The following CFAP61 variants were observed in gnomAD, a reference collection of about 807,000 sequenced individuals.
The protein encoded by CFAP61 is cilia- and flagella-associated protein 61.
In CFAP61, 107 loss-of-function variants were observed where a neutral mutation model predicts 135.6. The observed-to-expected ratio is 0.79, with a 90% confidence interval of 0.67 to 0.93. The LOEUF is 0.93. Among genes scored for constraint, CFAP61 ranks in the 40% least tolerant of loss-of-function variants. CFAP61 has a pLI of 0.00. For synonymous variants in CFAP61, 575 were observed against 578.5 expected (o/e 0.99, Z 0.09); for missense variants, 1,507 against 1,556.2 (o/e 0.97, Z 0.53).
intron 24 of CFAP61, among the ~76,000 whole-genome samples, chr20:20,296,077 CTTTT>C (rs1569259030): frequency 2.0e-4 from 5 of 24,906 alleles, no homozygotes; most frequent in Non-Finnish European, 3.7e-4. Context: ...TCCTTCCCTC[CTTTT>C]CTTCCTTCTT....
chr20:20,214,242 A>AT (rs1342279508), intron 17 of CFAP61: 1 of 152,212 alleles, frequency 6.6e-6, no homozygotes, highest in African/African-American at 2.4e-5. Flanking sequence ...GTGTTGTTCC[A>AT]TAACAGTACC....
chr20:20,088,034 A>G (rs2046930030), intron 6 of CFAP61, among the ~76,000 whole-genome samples: 1 of 152,194 alleles, frequency 6.6e-6, no homozygotes, highest in Admixed American at 6.5e-5. Flanking sequence ...TGCAGGGCTG[A>G]AATAGCTTGA....
chr20:20,290,531 A>G, intron 24 of CFAP61, 140 bp downstream of exon 24: 1 of 650,694 alleles, frequency 1.5e-6, no homozygotes, highest in Non-Finnish European at 2.7e-6. Context: ...GTCCCCCAAG[A>G]TGGCCCTTAG....
Position 20,169,431 on chromosome 20 carries a change from C to T in CFAP61, c.1356C>T (p.Leu452=), listed in dbSNP as rs1006356151. The change falls in exon 13 of 27, where the codon CTC becomes CTT. Residue 452 remains leucine, a synonymous_variant. Transcript: ENST00000245957. ...ACACCTGCACCCTCGAGCAGGACCT[C>T]TACGTCTTCCACCGGGCTGGATTGC... The part of the protein sequence containing the change: ...PFNTCTLEQD[L]YVFHRAGLLK... The T allele has an allele frequency of 6.2e-7, 1 of 1,613,774 alleles. No homozygotes were observed. The highest frequency in any genetic ancestry group is 8.5e-7 in the Non-Finnish European group (1 of 1,179,844).
At chr20:20,189,274 G>C (rs567186998) in intron 14 of CFAP61, among the ~76,000 whole-genome samples, 1 of 152,004 alleles carries the variant, frequency 6.6e-6, no homozygotes, top group South Asian at 2.1e-4. Flanking sequence ...GGTTTGTCTT[G>C]CACTCTTTTA....
chr20:20,136,761 TGGC>T (rs1235251099), intron 8 of CFAP61, among the ~76,000 whole-genome samples: 1 of 152,240 alleles, frequency 6.6e-6, no homozygotes, highest in Non-Finnish European at 1.5e-5. Flanking sequence ...TTAGTTAGTC[TGGC>T]GAAGTCATGT....
intron 25 of CFAP61, among the ~76,000 whole-genome samples, chr20:20,336,233 A>G (rs2026057): frequency 0.91 from 137,865 of 152,216 alleles, 64,010 homozygotes; most frequent in East Asian, 1. Flanking sequence ...ATTTGTTCCA[A>G]CAGGAATTAG....
intron 25 of CFAP61, among the ~76,000 whole-genome samples, chr20:20,309,927 A>G (rs112807362): frequency 4.6e-5 from 7 of 152,200 alleles, no homozygotes; most frequent in Non-Finnish European, 1.0e-4. Flanking sequence ...TGCATTCTAC[A>G]TGGCCTCAAC....
chr20:20,235,601 T>C (rs767562635), intron 18 of CFAP61, among the ~76,000 whole-genome samples: 2 of 152,194 alleles, frequency 1.3e-5, no homozygotes, highest in Non-Finnish European at 2.9e-5. Flanking sequence ...CTGTGCACCC[T>C]TTCCCACTTC....
At chr20:20,288,155 T>TGGGC (rs1194488797) in intron 22 of CFAP61, among the ~76,000 whole-genome samples, 1 of 152,052 alleles carries the variant, frequency 6.6e-6, no homozygotes, top group Non-Finnish European at 1.5e-5. Flanking sequence ...AAGCTAGCAA[T>TGGGC]GGGCAGTCTG....
chr20:20,199,887 G>T lies in CFAP61; in HGVS notation c.1917G>T (p.Ala639=), dbSNP rs371964125. The change falls in exon 17 of 27, where the codon GCG becomes GCT. Residue 639 remains alanine (A), a synonymous_variant. Coordinates refer to ENST00000245957, the MANE Select transcript of CFAP61 (RefSeq NM_015585.4). ...EKLGINAPSK[A]VSKDPMSYAL... ...TTGGCATAAACGCTCCATCAAAGGC[G>T]GTCTCCAAGGATCCGGTGGGTAGCA... is the stretch of plus-strand genomic sequence containing the variant. The T allele has an allele frequency of 3.7e-6, 6 of 1,614,020 alleles. No homozygotes were observed. The South Asian group carries it at 6.6e-5, about 18-fold the overall frequency.
chr20:20,174,352 T>C (rs1189134676), intron 13 of CFAP61, among the ~76,000 whole-genome samples: 5 of 152,172 alleles, frequency 3.3e-5, no homozygotes, highest in African/African-American at 9.6e-5. Context: ...CATCGCCTTT[T>C]TCCATTCAAG....
At chr20:20,314,903 A>C (rs1215369092) in intron 25 of CFAP61, among the ~76,000 whole-genome samples, 4 of 133,116 alleles carry the variant, frequency 3.0e-5, no homozygotes, top group Non-Finnish European at 6.3e-5. Flanking sequence ...TCCATGGTGT[A>C]TATGTGCCAC....
chr20:20,200,847 G>A, intron 17 of CFAP61: 2 of 985,426 alleles, frequency 2.0e-6, no homozygotes, highest in Non-Finnish European at 2.4e-6. Context: ...TGCACTGAGG[G>A]ATGGGGCGTA....
chr20:20,187,136 C>T (rs1021894322), intron 13 of CFAP61, among the ~76,000 whole-genome samples: 6 of 152,202 alleles, frequency 3.9e-5, no homozygotes, highest in African/African-American at 1.4e-4. Flanking sequence ...ACAGCCACCC[C>T]CTTGGTCTGA....
intron 13 of CFAP61, among the ~76,000 whole-genome samples, chr20:20,185,310 G>A (rs1179221223): frequency 6.6e-6 from 1 of 152,198 alleles, no homozygotes; most frequent in Non-Finnish European, 1.5e-5. Flanking sequence ...TGGCAAATTG[G>A]TGGAGGATGG....
intron 24 of CFAP61, among the ~76,000 whole-genome samples, chr20:20,291,475 A>G (rs2054993225): frequency 1.3e-5 from 2 of 152,114 alleles, no homozygotes; most frequent in Non-Finnish European, 2.9e-5. Flanking sequence ...CTTCCTCTAT[A>G]TCTCTTCATG....
rs1179142729 is a variant in CFAP61, at chr20:20,058,076, G to T, written c.143+1280G>T. The stretch of plus-strand genomic sequence containing the variant: ...AAATATTAAATATCCTAGTATTTTG[G>T]ATTTCATAAAGCTTCATATCAAATA... On this transcript the variant is annotated intron_variant, in intron 2 of 26. Coordinates refer to ENST00000245957, the MANE Select transcript of CFAP61 (RefSeq NM_015585.4). 2.6e-5 allele frequency among the ~76,000 whole-genome samples: 4 copies of T among 152,196 alleles called. No homozygotes were observed. In the East Asian group the frequency reaches 7.7e-4, roughly 29 times the overall value.
chr20:20,337,292 A>AGATGGATG (rs1190187686), intron 25 of CFAP61, among the ~76,000 whole-genome samples: 107 of 6,798 alleles, frequency 0.016, 2 homozygotes, highest in African/African-American at 0.024. Context: ...ATGGATGGAT[A>AGATGGATG]GATGGATGGA....
Sources: gnomAD v4.1 joint callset for allele counts (sites outside exome capture counted in the v4.1 genomes callset) on GRCh38, gnomAD v4.1.1 for gene constraint, MANE v1.5 for transcripts, NCBI Gene and HGNC (gene_info 2026-07-23, HGNC 2026-07-21) for gene names.